Variants in RSPH3 observed in about 807,000 individuals in gnomAD.
RSPH3 encodes the protein radial spoke head protein 3 homolog.
Under a neutral mutation model 43.8 loss-of-function variants are expected in RSPH3, and 21 were observed. The ratio of observed to expected loss-of-function variants is 0.48; its 90% CI spans 0.34 to 0.69. The LOEUF is 0.69. Among genes scored for constraint, RSPH3 ranks in the 30% least tolerant of loss-of-function variants. The probability of loss-of-function intolerance (pLI) is 0.01; values close to 1 mark genes in which losing one functional copy is unlikely to be tolerated. For missense variants in RSPH3, 487 were observed against 516.0 expected (o/e 0.94, Z 0.54); for synonymous variants, 173 against 179.8 (o/e 0.96, Z 0.30).
At chr6:158,972,837 T>C (rs1483683999), downstream of RSPH3, 2 of 152,256 alleles carry the variant, frequency 1.3e-5, no homozygotes, top group African/African-American at 2.4e-5. Context: ...CTTTCAGTTA[T>C]GTTATTCTCT....
At chr6:158,984,706 T>G (rs1402766415) in intron 3 of RSPH3, among the ~76,000 whole-genome samples, 1 of 151,732 alleles carries the variant, frequency 6.6e-6, no homozygotes, top group African/African-American at 2.4e-5. Context: ...CTTGGCCAAG[T>G]CATGTCCTCT....
chr6:158,984,917 G>A (rs1329623356), intron 3 of RSPH3, among the ~76,000 whole-genome samples: 2 of 152,178 alleles, frequency 1.3e-5, no homozygotes, highest in Admixed American at 6.6e-5. Context: ...GTTAATGACA[G>A]CCATACACTC....
At position 158,983,767 on chromosome 6, in the gene RSPH3, A is replaced by C. The variant is rs749497689; in HGVS notation, c.387T>G (p.Val129=). ...ATGCATCTGTTTGGCATTCCATATC[A>C]ACTTCTATTATGCGATCAGCAATTT... ...LEEIADRIIE[V]DMECQTDAFL... The change falls in exon 4 of 8, where the codon GTT becomes GTG. Residue 129 remains valine, a synonymous_variant. Coordinates refer to ENST00000367069, the MANE Select transcript of RSPH3 (RefSeq NM_031924.8). 1 of 1,603,638 alleles carries C rather than the reference A, an allele frequency of 6.2e-7. No homozygotes were observed. Among genetic ancestry groups the C allele is most frequent in the South Asian group, 1.1e-5 (1 of 90,832 alleles).
At chr6:158,979,693 T>C (rs772431893) in intron 6 of RSPH3, among the ~76,000 whole-genome samples, 2 of 152,212 alleles carry the variant, frequency 1.3e-5, no homozygotes, top group African/African-American at 2.4e-5. Flanking sequence ...TTGTATTGAA[T>C]TGAATATGTA....
intron 2 of RSPH3, chr6:158,988,128 A>C (rs1778292006): frequency 6.6e-6 from 1 of 151,972 alleles, no homozygotes; most frequent in South Asian, 2.1e-4. Flanking sequence ...TTTGAGGGAT[A>C]ACTTTGTGGA....
chr6:158,964,731 T>C, the RSPH3 span, among the ~76,000 whole-genome samples: 1 of 152,212 alleles, frequency 6.6e-6, no homozygotes, highest in Non-Finnish European at 1.5e-5. Flanking sequence ...TTGTTAGATA[T>C]ATGCTTTGAT....
At chr6:158,963,966 A>G in the RSPH3 span, among the ~76,000 whole-genome samples, 23 of 152,352 alleles carry the variant, frequency 1.5e-4, no homozygotes, top group African/African-American at 5.0e-4. Context: ...CAAAAGTGAT[A>G]TACTAGAAAG....
downstream of RSPH3, among the ~76,000 whole-genome samples, chr6:158,972,540 T>A (rs557229287): frequency 1.3e-5 from 2 of 152,350 alleles, no homozygotes; most frequent in South Asian, 4.1e-4. Context: ...ATGTATGAAG[T>A]TGGCAGCAAG....
In RSPH3 at chr6:158,989,058, C is replaced by CT. The variant is rs1389161353; in HGVS notation, c.205-2638dup. Among the ~76,000 whole-genome samples the CT allele has an allele frequency of 1.3e-5, 2 of 151,002 alleles. No homozygotes were observed. Among genetic ancestry groups the CT allele is most frequent in the Non-Finnish European group, 3.0e-5 (2 of 67,794 alleles). On this transcript the variant is annotated intron_variant, in intron 2 of 7. Transcript: ENST00000367069. This position sits in a 1 kb window ranked among gnomAD's most constrained non-coding sequence, Gnocchi z 4.3. ...ATATTTTCTTAGAGTTTTTTTTTAT[C>CT]TTTTTTGAGACAGAGTCTCGCTCTG...
intron 6 of RSPH3, among the ~76,000 whole-genome samples, chr6:158,979,590 T>TC (rs2128605787): frequency 6.6e-6 from 1 of 152,344 alleles, no homozygotes; most frequent in South Asian, 2.1e-4. Context: ...CTATCTGACC[T>TC]GTCTATCCTA....
intron 2 of RSPH3, 66 bp from the exon 3 acceptor site, chr6:158,986,487 T>G: frequency 7.4e-7 from 1 of 1,354,256 alleles, no homozygotes; most frequent in Non-Finnish European, 1.0e-6. Context: ...GGAACTGCCA[T>G]TCCAAAAGCA....
At chr6:158,984,473 T>TATATATATATATATATATA (rs1164216163) in intron 3 of RSPH3, among the ~76,000 whole-genome samples, 5 of 128,448 alleles carry the variant, frequency 3.9e-5, no homozygotes, top group African/African-American at 1.5e-4. Context: ...TATATATATA[T>TATATATATATATATATATA]ATTTGAGTCC....
At chr6:158,980,345 C>A (rs1447782832) in intron 6 of RSPH3, among the ~76,000 whole-genome samples, 1 of 151,870 alleles carries the variant, frequency 6.6e-6, no homozygotes, top group Non-Finnish European at 1.5e-5. Context: ...GGGAGAATTG[C>A]TTGAACCCAG....
At chr6:158,982,775 A>G (rs1562561107) in intron 4 of RSPH3, 87 bp from the exon 5 acceptor site, 1 of 855,394 alleles carries the variant, frequency 1.2e-6, no homozygotes, top group East Asian at 2.7e-5. Context: ...ATAACAAGAT[A>G]TTATTTATTA....
In RSPH3 at chr6:158,980,939, G is replaced by C; in HGVS notation, c.697-3C>G. ...CACTGCTGTTTCTTACGCCGTTCCT[G>C]CCAAGAACGACAGAGGTGGTTATTT... On this transcript the variant is annotated splice_region_variant and splice_polypyrimidine_tract_variant and intron_variant, in intron 5 of 7. Transcript: ENST00000367069. 1 of 1,613,736 alleles carries C rather than the reference G, an allele frequency of 6.2e-7. No homozygotes were observed. The highest frequency in any genetic ancestry group is 1.7e-4 in the Middle Eastern group (1 of 6,038).
At chr6:158,997,274 T>TTTTC (rs1778623125) in intron 1 of RSPH3, among the ~76,000 whole-genome samples, 1 of 149,022 alleles carries the variant, frequency 6.7e-6, no homozygotes, top group African/African-American at 2.5e-5. Flanking sequence ...CTGAACACTT[T>TTTTC]TTTTTTTTTT....
At chr6:158,983,949 C>T (rs1040424916) in intron 3 of RSPH3, 142 bp from the exon 4 acceptor site, 1 of 618,614 alleles carries the variant, frequency 1.6e-6, no homozygotes, top group Non-Finnish European at 2.9e-6. Flanking sequence ...GCCTGGCCAA[C>T]ATGGCGAAAC....
the RSPH3 span, among the ~76,000 whole-genome samples, chr6:158,965,507 G>A: frequency 1.3e-5 from 2 of 152,028 alleles, no homozygotes; most frequent in Middle Eastern, 6.8e-3. Flanking sequence ...GCATCTCTTT[G>A]GTTAAATTTA....
In RSPH3 at chr6:158,978,466, A is replaced by C. The variant is rs1777925160; in HGVS notation, c.860-120T>G. The C allele has an allele frequency of 3.2e-5, 19 of 596,890 alleles. No individual in the cohort carries two copies. In the South Asian group the frequency reaches 4.2e-4, roughly 13 times the overall value. The allele number at this position is 596,890 out of a possible 1,614,324, so 37.0% of individuals were successfully genotyped here. A position where few individuals can be genotyped will look rare whatever the true frequency, so the allele number is the denominator to read the frequency against. ...TATAAAATGTTAAGTAGACTCATAC[A>C]GCATAACTTTTGCCATATTCCTTAT... On this transcript the variant is annotated intron_variant, in intron 6 of 7. Transcript: ENST00000367069.
Sources: allele counts gnomAD v4.1 joint callset (sites outside exome capture counted in the v4.1 genomes callset), GRCh38; gene constraint gnomAD v4.1.1; non-coding constraint Gnocchi (gnomAD v3.1); transcripts MANE v1.5; gene names NCBI Gene and HGNC (gene_info 2026-07-23, HGNC 2026-07-21).